The following RBMS3 variants were observed in gnomAD, a reference collection of about 807,000 sequenced individuals.
RBMS3 encodes RNA binding motif single stranded interacting protein 3, also known as RNA-binding motif, single-stranded-interacting protein 3.
RBMS3 carries 27 observed loss-of-function variants against 66.8 expected under a neutral mutation model. The ratio of observed to expected loss-of-function variants is 0.40; its 90% CI spans 0.30 to 0.56. The LOEUF (loss-of-function observed/expected upper bound fraction) is 0.56. Among genes scored for constraint, RBMS3 ranks in the 20% least tolerant of loss-of-function variants. The probability of loss-of-function intolerance (pLI) is 0.40; values close to 1 mark genes in which losing one functional copy is unlikely to be tolerated. For synonymous variants in RBMS3, 188 were observed against 183.0 expected (o/e 1.03, Z -0.22); for missense variants, 513 against 549.5 (o/e 0.93, Z 0.66).
chr3:29,574,828 A>AAC (rs201818764), intron 3 of RBMS3, among the ~76,000 whole-genome samples: 11,173 of 146,858 alleles, frequency 0.076, 409 homozygotes, highest in African/African-American at 0.1. Flanking sequence ...TGCATAAGAA[A>AAC]ACACACACAC....
intron 3 of RBMS3, among the ~76,000 whole-genome samples, chr3:29,529,928 C>T (rs970133394): frequency 6.6e-6 from 1 of 152,074 alleles, no homozygotes; most frequent in Non-Finnish European, 1.5e-5. Context: ...AACTGATATA[C>T]TACAGGATAG....
At chr3:29,855,224 T>C (rs2059040034) in intron 6 of RBMS3, among the ~76,000 whole-genome samples, 3 of 152,200 alleles carry the variant, frequency 2.0e-5, no homozygotes, top group Non-Finnish European at 1.5e-5. Context: ...CTGGTCCGCT[T>C]TTACAATGAG....
intron 6 of RBMS3, among the ~76,000 whole-genome samples, chr3:29,796,361 G>A (rs1365825613): frequency 6.6e-6 from 1 of 152,112 alleles, no homozygotes; most frequent in East Asian, 1.9e-4. Flanking sequence ...TCATCCAGGA[G>A]TGTTTAAACA....
chr3:29,988,680 T>A (rs1211267581), intron 13 of RBMS3, among the ~76,000 whole-genome samples: 1 of 152,086 alleles, frequency 6.6e-6, no homozygotes, highest in Non-Finnish European at 1.5e-5. Flanking sequence ...CCTTGCTACT[T>A]GAGATGCTGA....
intron 14 of RBMS3, among the ~76,000 whole-genome samples, chr3:29,997,064 A>G (rs1188819816): frequency 2.0e-5 from 3 of 151,762 alleles, no homozygotes; most frequent in Admixed American, 6.6e-5. Flanking sequence ...AAATAGACGC[A>G]ATAAAAAATG....
At chr3:29,372,212 C>A (rs1379794360) in intron 1 of RBMS3, among the ~76,000 whole-genome samples, 2 of 152,142 alleles carry the variant, frequency 1.3e-5, no homozygotes, top group African/African-American at 2.4e-5. Flanking sequence ...CACCTGTAGT[C>A]CCAGCTACTC....
At position 29,587,210 on chromosome 3, in the gene RBMS3, G is replaced by A. The variant is rs1401556304; in HGVS notation, c.399+5G>A. On this transcript the variant is annotated splice_donor_5th_base_variant and intron_variant, in intron 4 of 14. Transcript: ENST00000383767. Reference sequence around the variant, plus strand: ...GTGCAGGCACAGATGGCTAAGGTAAGATTGATGTTTAGGGGTGTTTTTTTT... The same window carrying A: ...GTGCAGGCACAGATGGCTAAGGTAAAATTGATGTTTAGGGGTGTTTTTTTT... 6.1e-6 allele frequency: 5 copies of A among 815,320 alleles called. No homozygotes were observed. Among genetic ancestry groups the A allele is most frequent in the Non-Finnish European group, 9.3e-6 (5 of 537,882 alleles). 50.5% of individuals were successfully genotyped at this position (815,320 alleles called of 1,614,324 possible). A position where few individuals can be genotyped will look rare whatever the true frequency, so the allele number is the denominator to read the frequency against.
At chr3:29,939,728 TG>T (rs1184861206) in intron 11 of RBMS3, among the ~76,000 whole-genome samples, 1 of 151,838 alleles carries the variant, frequency 6.6e-6, no homozygotes, top group Non-Finnish European at 1.5e-5. Flanking sequence ...AACATACTTA[TG>T]CCACATGATT....
intron 10 of RBMS3, among the ~76,000 whole-genome samples, chr3:29,920,771 C>G (rs960225286): frequency 6.7e-6 from 1 of 148,556 alleles, no homozygotes; most frequent in Non-Finnish European, 1.5e-5. Context: ...GTCAGGAGAT[C>G]GAGACCATCC....
intron 3 of RBMS3, among the ~76,000 whole-genome samples, chr3:29,581,557 A>G (rs1270022116): frequency 6.6e-6 from 1 of 152,182 alleles, no homozygotes; most frequent in Non-Finnish European, 1.5e-5. Flanking sequence ...TGGAAAGGTG[A>G]TTCATTGTTA....
At chr3:29,785,227 A>G (rs2056778512) in intron 6 of RBMS3, among the ~76,000 whole-genome samples, 1 of 152,122 alleles carries the variant, frequency 6.6e-6, no homozygotes, top group South Asian at 2.1e-4. Context: ...AGAAAACTAC[A>G]GACCAGTATT....
intron 4 of RBMS3, among the ~76,000 whole-genome samples, chr3:29,694,936 T>C (rs1252144083): frequency 6.6e-6 from 1 of 152,130 alleles, no homozygotes; most frequent in Non-Finnish European, 1.5e-5. Context: ...GCAGACACAT[T>C]CCTGGTGTGG....
At chr3:29,548,527 T>A (rs183172223) in intron 3 of RBMS3, among the ~76,000 whole-genome samples, 1 of 151,840 alleles carries the variant, frequency 6.6e-6, no homozygotes, top group East Asian at 1.9e-4. Flanking sequence ...ATATGATATA[T>A]GATTAAACAT....
chr3:29,526,262 T>G (rs1275162364), intron 3 of RBMS3: 4 of 152,242 alleles, frequency 2.6e-5, no homozygotes, highest in Non-Finnish European at 5.9e-5. Flanking sequence ...GGCTCACGCC[T>G]GTAATCCCAG....
At chr3:29,903,964 C>T (rs2060315986) in intron 10 of RBMS3, among the ~76,000 whole-genome samples, 1 of 151,780 alleles carries the variant, frequency 6.6e-6, no homozygotes, top group African/African-American at 2.4e-5. Flanking sequence ...TTTAAGAAGC[C>T]CCAGAATACT....
At chr3:29,698,819 C>G (rs187202832) in intron 4 of RBMS3, among the ~76,000 whole-genome samples, 9 of 151,790 alleles carry the variant, frequency 5.9e-5, no homozygotes, top group Non-Finnish European at 1.0e-4. Context: ...TTTTGTTGTA[C>G]GAAAAATTTA....
At chr3:29,418,672 C>T (rs1204090317) in intron 1 of RBMS3, among the ~76,000 whole-genome samples, 2 of 152,042 alleles carry the variant, frequency 1.3e-5, no homozygotes, top group African/African-American at 4.8e-5. Context: ...CTTTGCTTTC[C>T]TCTGCTGAAA....
At chr3:29,333,406 G>A (rs924379535) in intron 1 of RBMS3, among the ~76,000 whole-genome samples, 5 of 151,940 alleles carry the variant, frequency 3.3e-5, no homozygotes, top group African/African-American at 7.2e-5. Context: ...GTGCTGAGAC[G>A]GTGGCTTAAC....
intron 1 of RBMS3, among the ~76,000 whole-genome samples, chr3:29,410,994 A>C (rs1019737538): frequency 6.6e-6 from 1 of 150,666 alleles, no homozygotes; most frequent in Admixed American, 6.6e-5. Context: ...CAACACAACT[A>C]CATGTAAGCA....
Sources: allele counts gnomAD v4.1 joint callset (sites outside exome capture counted in the v4.1 genomes callset), GRCh38; gene constraint gnomAD v4.1.1; transcripts MANE v1.5; gene names NCBI Gene and HGNC (gene_info 2026-07-23, HGNC 2026-07-21).